Variants in PDE4D observed in about 807,000 individuals in gnomAD.
PDE4D encodes phosphodiesterase 4D.
Under a neutral mutation model 87.4 loss-of-function variants are expected in PDE4D, and 24 were observed. The ratio of observed to expected loss-of-function variants is 0.27; its 90% confidence interval spans 0.20 to 0.39. The LOEUF is 0.39. Ranked by LOEUF, PDE4D falls within the 10% of genes least tolerant of loss-of-function variation. PDE4D has a pLI of 1.00. For missense variants in PDE4D, 714 were observed against 1,041.0 expected (o/e 0.69, Z 4.32); for synonymous variants, 384 against 383.2 (o/e 1.00, Z -0.02).
intron 1 of PDE4D, among the ~76,000 whole-genome samples, chr5:59,811,169 G>GTCCTGAAAACTTT (rs1339009486): frequency 6.6e-6 from 1 of 152,214 alleles, no homozygotes; most frequent in Non-Finnish European, 1.5e-5. Flanking sequence ...TGTCCAGAAT[G>GTCCTGAAAACTTT]TCCTGAAAAC....
At chr5:59,722,377 T>C (rs1260744766) in intron 1 of PDE4D, among the ~76,000 whole-genome samples, 1 of 152,212 alleles carries the variant, frequency 6.6e-6, no homozygotes, top group Non-Finnish European at 1.5e-5. Context: ...CAATTTAGGC[T>C]GAATAAAAAG....
At chr5:59,362,577 C>T (rs570623435) in intron 1 of PDE4D, among the ~76,000 whole-genome samples, 34 of 152,202 alleles carry the variant, frequency 2.2e-4, no homozygotes, top group African/African-American at 7.9e-4. Context: ...GCTCAAAACC[C>T]TAAGCTTCTC....
chr5:59,314,586 C>T (rs538658226), intron 1 of PDE4D: 8 of 152,252 alleles, frequency 5.3e-5, no homozygotes, highest in Admixed American at 3.9e-4. Flanking sequence ...AGAACAGAGT[C>T]GTCTGTGCTG....
intron 1 of PDE4D, among the ~76,000 whole-genome samples, chr5:59,660,585 A>G (rs552196546): frequency 6.6e-6 from 1 of 152,174 alleles, no homozygotes; most frequent in African/African-American, 2.4e-5. Context: ...TTAAAGAGTT[A>G]GTTCTGACTA....
At chr5:59,776,989 G>T (rs1006933235) in intron 1 of PDE4D, among the ~76,000 whole-genome samples, 1 of 152,068 alleles carries the variant, frequency 6.6e-6, no homozygotes, top group Non-Finnish European at 1.5e-5. Context: ...ATGTAGACTC[G>T]CCTGGCTCTA....
intron 1 of PDE4D, among the ~76,000 whole-genome samples, chr5:59,771,917 G>A (rs941615865): frequency 6.6e-6 from 1 of 152,106 alleles, no homozygotes; most frequent in Non-Finnish European, 1.5e-5. Context: ...TAATGAAGCA[G>A]GATTGAGAGT....
intron 1 of PDE4D, among the ~76,000 whole-genome samples, chr5:59,401,105 T>C (rs375349887): frequency 1.3e-5 from 2 of 152,060 alleles, no homozygotes; most frequent in Admixed American, 1.3e-4. Flanking sequence ...TTGTGTAAAA[T>C]TACCTTCAGG....
chr5:59,095,157 ATAAC>A lies in PDE4D; in HGVS notation c.809-56190_809-56187del. On this transcript the variant is annotated intron_variant, in intron 5 of 14. Transcript: ENST00000340635. ...CTCAATTTTTCAAGTCATCAGAAAC[ATAAC>A]TAAGAATGAGTGACTTTTTGCTATC... Among the ~76,000 whole-genome samples, 3 of 152,144 alleles carry A rather than the reference ATAAC, an allele frequency of 2.0e-5. No homozygotes were observed. The East Asian group carries it at 5.8e-4, about 29-fold the overall frequency.
At chr5:59,163,035 C>G (rs116142116) in intron 5 of PDE4D, among the ~76,000 whole-genome samples, 1 of 151,152 alleles carries the variant, frequency 6.6e-6, no homozygotes, top group Admixed American at 6.6e-5. Context: ...CGGGTTCAAG[C>G]CATTTTCGTG....
intron 1 of PDE4D, among the ~76,000 whole-genome samples, chr5:59,808,868 C>T (rs947976392): frequency 6.6e-6 from 1 of 152,000 alleles, no homozygotes; most frequent in Admixed American, 6.5e-5. Context: ...AACTTGCAGC[C>T]AAGGACAGCT....
intron 2 of PDE4D, among the ~76,000 whole-genome samples, chr5:60,011,731 T>C (rs1765038033): frequency 6.6e-6 from 1 of 152,116 alleles, no homozygotes; most frequent in Non-Finnish European, 1.5e-5. Context: ...ACAGTAAAAG[T>C]ATGCTGACCC....
At chr5:59,039,017 C>A (rs1387756523) in intron 5 of PDE4D, 46 bp from the exon 6 acceptor site, 2 of 1,543,210 alleles carry the variant, frequency 1.3e-6, no homozygotes, top group African/African-American at 1.4e-5. Flanking sequence ...AAGCGCTTCA[C>A]GGGTCCGCTA....
chr5:59,804,010 T>G (rs1767455287), intron 1 of PDE4D, among the ~76,000 whole-genome samples: 1 of 152,258 alleles, frequency 6.6e-6, no homozygotes, highest in African/African-American at 2.4e-5. Flanking sequence ...ACTTTCTTTT[T>G]AATCCCTAAC....
At chr5:60,343,925 G>A (rs1191249495) in intron 1 of PDE4D, among the ~76,000 whole-genome samples, 1 of 151,066 alleles carries the variant, frequency 6.6e-6, no homozygotes, top group African/African-American at 2.4e-5. Context: ...CAGCTGCATA[G>A]CCAATTAAAT....
chr5:60,187,822 G>T (rs776866877), intron 1 of PDE4D, among the ~76,000 whole-genome samples: 2 of 152,112 alleles, frequency 1.3e-5, no homozygotes, highest in Non-Finnish European at 2.9e-5. Flanking sequence ...GTATAGGTTG[G>T]AATTTCAGCT....
chr5:59,718,069 C>T (rs765026798), intron 1 of PDE4D, among the ~76,000 whole-genome samples: 3 of 152,128 alleles, frequency 2.0e-5, no homozygotes, highest in South Asian at 2.1e-4. Context: ...TCTCCATTTT[C>T]GAGAGGTCTG....
intron 1 of PDE4D, among the ~76,000 whole-genome samples, chr5:60,286,176 A>G (rs1289054231): frequency 6.6e-6 from 1 of 152,216 alleles, no homozygotes; most frequent in African/African-American, 2.4e-5. Context: ...TATAAGTGCC[A>G]CAAAAAACTG....
rs1742898407 is a variant in PDE4D at position 58,973,112 on chromosome 5, T to G, written c.*1552A>C. 1 of 152,220 alleles carries G rather than the reference T, an allele frequency of 6.6e-6. No homozygotes were observed. Among genetic ancestry groups the G allele is most frequent in the Non-Finnish European group, 1.5e-5 (1 of 68,032 alleles). 9.4% of individuals were successfully genotyped at this position (152,220 alleles called of 1,614,324 possible). A position where few individuals can be genotyped will look rare whatever the true frequency, so the allele number is the denominator to read the frequency against. On this transcript the variant is annotated 3_prime_UTR_variant, in exon 15 of 15. Transcript: ENST00000340635. ...GTTCCTGATATAGTTCTTAATCCCA[T>G]GGTGAAATCATTAAAACCAAATAGG... is the stretch of plus-strand genomic sequence containing the variant.
At chr5:59,549,224 A>G (rs1817733836) in intron 1 of PDE4D, among the ~76,000 whole-genome samples, 2 of 152,180 alleles carry the variant, frequency 1.3e-5, no homozygotes, top group South Asian at 2.1e-4. Flanking sequence ...TACTTTTTCT[A>G]CCATTGTATA....
Sources: allele counts gnomAD v4.1 joint callset (sites outside exome capture counted in the v4.1 genomes callset), GRCh38; gene constraint gnomAD v4.1.1; transcripts MANE v1.5; gene names NCBI Gene and HGNC (gene_info 2026-07-23, HGNC 2026-07-21).